Variants in FBXO47 observed in about 807,000 individuals in gnomAD.
The protein encoded by FBXO47 is F-box protein 47, also known as F-box only protein 47.
Under a neutral mutation model 53.9 loss-of-function variants are expected in FBXO47, and 34 were observed. The observed-to-expected ratio is 0.63, with a 90% CI of 0.48 to 0.84. FBXO47 has a LOEUF of 0.84. Ranked by LOEUF, FBXO47 falls within the 40% of genes least tolerant of loss-of-function variation. The pLI, the probability that FBXO47 is intolerant of heterozygous loss-of-function variation, is 0.00. For missense variants in FBXO47, 485 were observed against 541.3 expected, an observed-to-expected ratio of 0.90 and a Z score of 1.03; for synonymous variants, 165 against 181.6, an observed-to-expected ratio of 0.91 and a Z score of 0.73.
chr17:38,953,479 G>A (rs966054652), intron 5 of FBXO47, among the ~76,000 whole-genome samples: 5 of 151,938 alleles, frequency 3.3e-5, no homozygotes, highest in African/African-American at 7.3e-5. Flanking sequence ...ACAAAAATTA[G>A]CTGGGTGTGG....
At chr17:38,940,662 T>A (rs1041235159) in intron 9 of FBXO47, among the ~76,000 whole-genome samples, 39 of 151,894 alleles carry the variant, frequency 2.6e-4, no homozygotes, top group African/African-American at 9.0e-4. Flanking sequence ...CCTGGTGAAC[T>A]CCTACTTATT....
intron 5 of FBXO47, among the ~76,000 whole-genome samples, chr17:38,952,954 A>G (rs951982641): frequency 1.3e-5 from 2 of 150,568 alleles, no homozygotes; most frequent in Non-Finnish European, 2.9e-5. Flanking sequence ...ACGCCTGGCT[A>G]TTTATGACTT....
chr17:38,959,600 A>G lies in FBXO47; in HGVS notation c.352+2277T>C, dbSNP rs990772710. Among the ~76,000 whole-genome samples the G allele has an allele frequency of 1.3e-4, 20 of 150,194 alleles. No individual in the cohort carries two copies. In the South Asian group the frequency reaches 3.0e-3, roughly 22 times the overall value. ...GCCTCAAAAAAAAAAAAAAAAAAAA[A>G]AAAGAAAATTATTCTTCAAAGCATT... On this transcript the variant is annotated intron_variant, in intron 3 of 10. Coordinates refer to ENST00000378079, the MANE Select transcript of FBXO47 (RefSeq NM_001008777.3).
intron 6 of FBXO47, among the ~76,000 whole-genome samples, chr17:38,950,042 A>C (rs974097566): frequency 6.6e-6 from 1 of 152,154 alleles, no homozygotes; most frequent in East Asian, 1.9e-4. Flanking sequence ...AAAATTTGCC[A>C]TTCTAACCAT....
chr17:38,946,339 TATAAATATATAAATATATATAA>T (rs1464718884), intron 6 of FBXO47, among the ~76,000 whole-genome samples: 2 of 71,064 alleles, frequency 2.8e-5, no homozygotes, highest in Non-Finnish European at 4.6e-5. Context: ...TATAAATATA[TATAAATATATAAATATATATAA>T]ATATATAGAT....
Position 38,943,970 on chromosome 17 carries a change from T to C in FBXO47, c.794-234A>G, listed in dbSNP as rs926577845. Among the ~76,000 whole-genome samples the C allele has an allele frequency of 3.9e-5, 6 of 151,948 alleles. No individual in the cohort carries two copies. In the South Asian group the frequency reaches 1.2e-3, roughly 32 times the overall value. On this transcript the variant is annotated intron_variant, in intron 7 of 10. Coordinates refer to ENST00000378079, the MANE Select transcript of FBXO47 (RefSeq NM_001008777.3). Reference sequence around the variant, plus strand: ...ACTTTAGGAGGCCGAGGTAGGAGGATCACTTGAGGTACGGAGTTCGAGACC... The same window carrying C: ...ACTTTAGGAGGCCGAGGTAGGAGGACCACTTGAGGTACGGAGTTCGAGACC...
At chr17:38,946,287 A>AAT (rs1400948264) in intron 6 of FBXO47, among the ~76,000 whole-genome samples, 1 of 83,136 alleles carries the variant, frequency 1.2e-5, no homozygotes, top group South Asian at 4.4e-4. Flanking sequence ...AATATATATA[A>AAT]ATATATAAAA....
At chr17:38,966,784 G>A (rs916655951) in intron 1 of FBXO47, among the ~76,000 whole-genome samples, 1 of 152,094 alleles carries the variant, frequency 6.6e-6, no homozygotes, top group East Asian at 1.9e-4. Context: ...GTTTCGTAGG[G>A]AAAAAGCAAG....
At chr17:38,948,305 C>T (rs372955489) in intron 6 of FBXO47, among the ~76,000 whole-genome samples, 26 of 147,032 alleles carry the variant, frequency 1.8e-4, no homozygotes, top group African/African-American at 5.6e-4. Flanking sequence ...CTCTGTCTCC[C>T]GAGTTCAAGC....
intron 4 of FBXO47, among the ~76,000 whole-genome samples, chr17:38,955,958 CAAAAAAAAAA>C (rs34218216): frequency 6.6e-5 from 2 of 30,266 alleles, no homozygotes; most frequent in East Asian, 2.0e-3. Context: ...ACTCCATCTC[CAAAAAAAAAA>C]AAAAAAAAAA....
intron 1 of FBXO47, among the ~76,000 whole-genome samples, chr17:38,965,461 A>C (rs1906054534): frequency 6.6e-6 from 1 of 152,130 alleles, no homozygotes; most frequent in African/African-American, 2.4e-5. Context: ...AAACATAACA[A>C]AGAAATTTAG....
intron 1 of FBXO47, among the ~76,000 whole-genome samples, chr17:38,963,802 G>GTTTTT (rs377210713): frequency 1.6e-5 from 2 of 128,638 alleles, no homozygotes; most frequent in Non-Finnish European, 3.2e-5. Flanking sequence ...TTGTTTTGTT[G>GTTTTT]TTTTTTTTTT....
At chr17:38,965,535 T>C (rs1906059746) in intron 1 of FBXO47, among the ~76,000 whole-genome samples, 1 of 151,912 alleles carries the variant, frequency 6.6e-6, no homozygotes, top group African/African-American at 2.4e-5. Context: ...GGGGTCAGTA[T>C]TCAGTGAACA....
chr17:38,955,467 G>T (rs1304807065), intron 4 of FBXO47, among the ~76,000 whole-genome samples: 2 of 148,800 alleles, frequency 1.3e-5, no homozygotes, highest in African/African-American at 4.9e-5. Context: ...TTTTTATGAT[G>T]GAGTCTTGCT....
intron 8 of FBXO47, among the ~76,000 whole-genome samples, chr17:38,943,356 C>T (rs1295851586): frequency 1.3e-5 from 2 of 151,978 alleles, no homozygotes; most frequent in African/African-American, 4.8e-5. Context: ...AATGAAGAAG[C>T]TTTCAAATAA....
rs374582541 is a variant in FBXO47, at chr17:38,951,574, T to G, written c.616+7A>C. The G allele has an allele frequency of 2.7e-5, 43 of 1,592,884 alleles. No individual in the cohort carries two copies. The African/African-American group carries it at 4.6e-4, about 17-fold the overall frequency. ...CTGTATATTATATGCAAATTATAGT[T>G]TTTTACCTGGTTTGCTGCAGACAGC... On this transcript the variant is annotated splice_region_variant and intron_variant, in intron 6 of 10. Transcript: ENST00000378079.
chr17:38,961,128 A>G (rs565177826), intron 3 of FBXO47, among the ~76,000 whole-genome samples: 119 of 152,278 alleles, frequency 7.8e-4, no homozygotes, highest in African/African-American at 2.7e-3. Context: ...CATATTCCTA[A>G]TATCTTAAAT....
At chr17:38,965,041 G>T (rs1162344297) in intron 1 of FBXO47, among the ~76,000 whole-genome samples, 1 of 151,912 alleles carries the variant, frequency 6.6e-6, no homozygotes, top group African/African-American at 2.4e-5. Context: ...GTAGAGACGG[G>T]GTTTCACCAT....
rs114212170 is a variant in FBXO47 at position 38,944,975 on chromosome 17, T to C, written c.778A>G (p.Ile260Val). The change falls in exon 7 of 11, where the codon ATA (isoleucine) becomes GTA (valine). Residue 260 changes from isoleucine (I) to valine (V), a missense_variant. By Grantham distance (29) the Ile-to-Val change is conservative (BLOSUM62 3). Transcript: ENST00000378079. ...ARLLYIIFGP[I>V]SPQDGQVVWQ... ...GGGTGCTCACCATCTTGAGGAGATA[T>C]TGGCCCAAAGATGATATACAGTAAT... 5.5e-4 allele frequency: 895 copies of C among 1,613,800 alleles called. 3 individuals are homozygous for C. In the African/African-American group the frequency reaches 0.011, roughly 19 times the overall value.
Sources: gnomAD v4.1 joint callset for allele counts (sites outside exome capture counted in the v4.1 genomes callset) on GRCh38, gnomAD v4.1.1 for gene constraint, MANE v1.5 for transcripts, NCBI Gene and HGNC (gene_info 2026-07-23, HGNC 2026-07-21) for gene names.